Variants in LTBP2 observed in about 807,000 individuals in gnomAD.
LTBP2 encodes the protein latent transforming growth factor beta binding protein 2, also known as latent-transforming growth factor beta-binding protein 2.
LTBP2 carries 103 observed loss-of-function variants against 210.6 expected under a neutral mutation model. That is an observed-to-expected ratio of 0.49 (90% CI 0.42 to 0.58). The LOEUF (loss-of-function observed/expected upper bound fraction) is 0.58, where lower values mean the gene tolerates loss of function less well. Ranked by LOEUF, LTBP2 falls within the 20% of genes least tolerant of loss-of-function variation. LTBP2 has a pLI of 0.00. For synonymous variants in LTBP2, 1,007 were observed against 1,015.0 expected, an observed-to-expected ratio of 0.99 and a Z score of 0.15; for missense variants, 2,313 against 2,494.5, an observed-to-expected ratio of 0.93 and a Z score of 1.55.
chr14:74,611,723 C>T lies in LTBP2; in HGVS notation c.222G>A (p.Glu74=). 2 of 1,598,564 alleles carry T rather than the reference C, an allele frequency of 1.3e-6. No homozygotes were observed. The highest frequency in any genetic ancestry group is 3.3e-4 in the Middle Eastern group (2 of 6,040). The change falls in exon 1 of 36, where the codon GAG becomes GAA. Residue 74 remains glutamate, a synonymous_variant. Coordinates refer to ENST00000261978, the MANE Select transcript of LTBP2 (RefSeq NM_000428.3). The stretch of plus-strand genomic sequence containing the variant: ...GCAAGCCCGCGACAGGCGCGTCCTG[C>T]TCCCGGAACAGACTGTACACCTTGG... ...AAAKVYSLFR[E]QDAPVAGLQP...
At chr14:74,534,801 C>T (rs1332927893) in intron 9 of LTBP2, among the ~76,000 whole-genome samples, 2 of 152,046 alleles carry the variant, frequency 1.3e-5, no homozygotes, top group South Asian at 2.1e-4. Context: ...CCTTCGCAGA[C>T]ACAGAGACCA....
intron 1 of LTBP2, among the ~76,000 whole-genome samples, chr14:74,604,527 G>A (rs1007377929): frequency 3.3e-5 from 5 of 151,690 alleles, no homozygotes; most frequent in East Asian, 1.9e-4. Flanking sequence ...ACTCTATAGC[G>A]AAATAGAGTT....
In LTBP2 at chr14:74,503,298, G is replaced by A; in HGVS notation, c.4809C>T (p.Arg1603=). 1.2e-6 allele frequency: 2 copies of A among 1,614,058 alleles called. No homozygotes were observed. Among genetic ancestry groups the A allele is most frequent in the Non-Finnish European group, 1.7e-6 (2 of 1,180,026 alleles). ...DVCSEPLRGH[R]TTYTECCCQD... ...GGCAGCAGCATTCCGTGTAGGTGGT[G>A]CGGTGCCCACGCAGGGGTTCGCTGC... The change falls in exon 33 of 36, where the codon CGC becomes CGT. Residue 1603 remains arginine (R), a synonymous_variant. Coordinates refer to ENST00000261978, the MANE Select transcript of LTBP2 (RefSeq NM_000428.3).
rs545124202 is a variant in LTBP2, at chr14:74,541,056, G to A, written c.1790-5056C>T. ...TCAGCAGCCAGTGAGCTTTGTGACAGGTGAAGGCAGGTGACACCTGTCACC... is the reference window on the plus strand; with the variant it reads ...TCAGCAGCCAGTGAGCTTTGTGACAAGTGAAGGCAGGTGACACCTGTCACC... On this transcript the variant is annotated intron_variant, in intron 8 of 35. Coordinates refer to ENST00000261978, the MANE Select transcript of LTBP2 (RefSeq NM_000428.3). Among the ~76,000 whole-genome samples the A allele has an allele frequency of 1.8e-3, 264 of 150,178 alleles. 1 individual carries two copies. In the South Asian group the frequency reaches 0.019, roughly 11 times the overall value.
intron 9 of LTBP2, among the ~76,000 whole-genome samples, chr14:74,533,499 G>T (rs1444453722): frequency 6.6e-6 from 1 of 152,226 alleles, no homozygotes; most frequent in Admixed American, 6.5e-5. Context: ...GACCCTGGGA[G>T]CATGTCTGCA....
intron 33 of LTBP2, 140 bp downstream of exon 33, chr14:74,503,079 C>T (rs1566611766): frequency 8.1e-6 from 12 of 1,490,222 alleles, no homozygotes; most frequent in Non-Finnish European, 1.1e-5. Context: ...CCCTGCCCTA[C>T]TTTGTCCCCA....
intron 8 of LTBP2, among the ~76,000 whole-genome samples, chr14:74,545,161 A>G (rs1277698417): frequency 6.6e-6 from 1 of 152,118 alleles, no homozygotes; most frequent in Non-Finnish European, 1.5e-5. Context: ...CCCCAGAATG[A>G]TTAGGGAGAT....
intron 12 of LTBP2, among the ~76,000 whole-genome samples, chr14:74,527,897 A>C (rs2087294732): frequency 1.3e-5 from 2 of 152,244 alleles, no homozygotes; most frequent in Non-Finnish European, 2.9e-5. Context: ...TTCCTGGAGC[A>C]GTTTGACCAA....
intron 1 of LTBP2, among the ~76,000 whole-genome samples, chr14:74,604,886 C>T (rs537214937): frequency 2.0e-5 from 3 of 152,316 alleles, no homozygotes; most frequent in African/African-American, 7.2e-5. Flanking sequence ...ACTTTGCTTC[C>T]GGGTGTCTGG....
chr14:74,604,791 C>T (rs1430466954), intron 1 of LTBP2, among the ~76,000 whole-genome samples: 1 of 151,926 alleles, frequency 6.6e-6, no homozygotes, highest in Non-Finnish European at 1.5e-5. Flanking sequence ...GCGCCCAGCC[C>T]TTCAGCTACT....
At chr14:74,505,911 G>A (rs1322023607) in intron 28 of LTBP2, 137 bp downstream of exon 28, 16 of 1,232,240 alleles carry the variant, frequency 1.3e-5, no homozygotes, top group East Asian at 4.7e-5. Flanking sequence ...ACCAGGCCCC[G>A]CCTGCACCTC....
At chr14:74,573,495 G>A (rs1038534376) in intron 3 of LTBP2, among the ~76,000 whole-genome samples, 4 of 152,190 alleles carry the variant, frequency 2.6e-5, no homozygotes, top group African/African-American at 7.2e-5. Flanking sequence ...CAGCTCCCTC[G>A]CAACAGGTAC....
chr14:74,544,765 CT>C (rs2087556893), intron 8 of LTBP2, among the ~76,000 whole-genome samples: 1 of 152,352 alleles, frequency 6.6e-6, no homozygotes, highest in East Asian at 1.9e-4. Flanking sequence ...TATGAAAAAT[CT>C]GTTCTTGGTA....
At chr14:74,527,480 G>A in intron 12 of LTBP2, 114 bp from the exon 13 acceptor site, 2 of 1,144,762 alleles carry the variant, frequency 1.7e-6, no homozygotes, top group Admixed American at 2.0e-5. Context: ...CCCCAGCAGG[G>A]CCAGCAGCAC....
rs763345470 is a variant in LTBP2 at position 74,510,227 on chromosome 14, G to A, written c.3029-14C>T. ...ACTCATTCACATCTGTGGGAGAGAAGTCCAAGACGGTGGGCTGGCCTCCTC... is the reference window on the plus strand; with the variant it reads ...ACTCATTCACATCTGTGGGAGAGAAATCCAAGACGGTGGGCTGGCCTCCTC... On this transcript the variant is annotated splice_polypyrimidine_tract_variant and intron_variant, in intron 19 of 35. Transcript: ENST00000261978. The A allele has an allele frequency of 8.1e-6, 13 of 1,612,766 alleles. No homozygotes were observed. In the Admixed American group the frequency reaches 2.2e-4, roughly 27 times the overall value.
At chr14:74,595,498 T>G (rs909475027) in intron 2 of LTBP2, among the ~76,000 whole-genome samples, 3 of 152,196 alleles carry the variant, frequency 2.0e-5, no homozygotes, top group African/African-American at 7.2e-5. Context: ...TGAGACAGGC[T>G]GGGAGGGGTC....
In LTBP2 at chr14:74,585,971, C is replaced by G; in HGVS notation, c.713G>C (p.Arg238Pro). The change falls in exon 3 of 36, where the codon CGC (arginine) becomes CCC (proline). Residue 238 changes from arginine (R) to proline (P), a missense_variant. Around this residue, in one of 3 missense-constraint regions of LTBP2, gnomAD observed 1,867 missense variants for 1,976.9 expected, o/e 0.94. Coordinates refer to ENST00000261978, the MANE Select transcript of LTBP2 (RefSeq NM_000428.3). ...CAGGTTGGGTGAACGCTCGGCCCAG[C>G]GTCGAGGTGCCAGCCTGGAGTTCTG... ...DPQNSRLAPR[R>P]WAERSPNLRR... 1 of 1,613,234 alleles carries G rather than the reference C, an allele frequency of 6.2e-7. No homozygotes were observed.
rs1555350191 is a variant in LTBP2 at position 74,540,830 on chromosome 14, A to ATATTATATATATTTATATATATT, written c.1790-4831_1790-4830insAATATATATAAATATATATAATA. On this transcript the variant is annotated intron_variant, in intron 8 of 35. Coordinates refer to ENST00000261978, the MANE Select transcript of LTBP2 (RefSeq NM_000428.3). ...ATATAATATATATATATTTTTATAT[A>ATATTATATATATTTATATATATT]ATATATATTTATATATATTATATAT... Among the ~76,000 whole-genome samples, 48 of 68,622 alleles carry ATATTATATATATTTATATATATT rather than the reference A, an allele frequency of 7.0e-4. 1 individual carries two copies. Among genetic ancestry groups the ATATTATATATATTTATATATATT allele is most frequent in the African/African-American group, 2.2e-3 (44 of 19,684 alleles). The allele number at this position is 68,622 out of a possible 152,430, so 45.0% of individuals were successfully genotyped here.
At chr14:74,572,868 C>T (rs190658283) in intron 3 of LTBP2, among the ~76,000 whole-genome samples, 50 of 152,288 alleles carry the variant, frequency 3.3e-4, no homozygotes, top group African/African-American at 1.0e-3. Context: ...AAGAGCTTTG[C>T]CAGTCTTTCC....
Sources: allele counts gnomAD v4.1 joint callset (sites outside exome capture counted in the v4.1 genomes callset), GRCh38; gene constraint gnomAD v4.1.1; regional missense constraint gnomAD v4.1.1; transcripts MANE v1.5; gene names NCBI Gene and HGNC (gene_info 2026-07-23, HGNC 2026-07-21).